PTPRA: variants seen among roughly 807,000 people sequenced by gnomAD.
PTPRA encodes the protein receptor-type tyrosine-protein phosphatase alpha.
A neutral mutation model predicts 104.8 loss-of-function variants in PTPRA; 25 were observed. That is an observed-to-expected ratio of 0.24 (90% confidence interval 0.17 to 0.33). The LOEUF (loss-of-function observed/expected upper bound fraction) is 0.33, where lower values mean the gene tolerates loss of function less well. PTPRA is among the 10% of genes least tolerant of loss of function. The pLI, the probability that PTPRA is intolerant of heterozygous loss-of-function variation, is 1.00. For synonymous variants in PTPRA, 323 were observed against 368.9 expected, an observed-to-expected ratio of 0.88 and a Z score of 1.43; for missense variants, 765 against 1,015.3, an observed-to-expected ratio of 0.75 and a Z score of 3.35.
At position 2,896,150 on chromosome 20, in the gene PTPRA, G is replaced by A. The variant is rs1459560370; in HGVS notation, c.-129+22390G>A. ...AGCACTTTGGGAGGCTGAGGCAGGGGGATCACTTGAGGTCATGAGTTCAAG... is the reference window on the plus strand; with the variant it reads ...AGCACTTTGGGAGGCTGAGGCAGGGAGATCACTTGAGGTCATGAGTTCAAG... On this transcript the variant is annotated intron_variant, in intron 1 of 23. Transcript: ENST00000399903. Among the ~76,000 whole-genome samples, 3 of 152,168 alleles carry A rather than the reference G, an allele frequency of 2.0e-5. No homozygotes were observed. In the East Asian group the frequency reaches 5.8e-4, roughly 29 times the overall value.
intron 3 of PTPRA, among the ~76,000 whole-genome samples, chr20:2,958,149 A>C (rs571758465): frequency 6.6e-6 from 1 of 152,234 alleles, no homozygotes; most frequent in African/African-American, 2.4e-5. Context: ...AGAATTAGAG[A>C]GGGGTTCAAG....
the PTPRA span, among the ~76,000 whole-genome samples, chr20:2,868,194 G>A: frequency 6.6e-6 from 1 of 152,124 alleles, no homozygotes; most frequent in African/African-American, 2.4e-5. Flanking sequence ...GGTAGAATCT[G>A]GACTGCCTTC....
Position 3,038,463 on chromosome 20 carries a change from C to G in PTPRA, c.*330C>G. 1 of 262,504 alleles carries G rather than the reference C, an allele frequency of 3.8e-6. No homozygotes were observed. The highest frequency in any genetic ancestry group is 7.4e-6 in the Non-Finnish European group (1 of 135,404). 16.3% of individuals were successfully genotyped at this position (262,504 alleles called of 1,614,324 possible). ...AAAATCCATTCCAGGTAGCTCGGCACCAACTAAGAAAAAAAGCACAAAGTT... is the reference window on the plus strand; with the variant it reads ...AAAATCCATTCCAGGTAGCTCGGCAGCAACTAAGAAAAAAAGCACAAAGTT... On this transcript the variant is annotated 3_prime_UTR_variant, in exon 24 of 24. Transcript: ENST00000399903.
rs1009615949 is a variant in PTPRA at position 3,000,028 on chromosome 20, G to A, written c.739-5028G>A. On this transcript the variant is annotated intron_variant, in intron 9 of 23. Transcript: ENST00000399903. ...AGGCTGGGCGCAGTGGTTCATGCCTGTAATCCCAGCACTTTGGGAGGCTGA... is the reference window on the plus strand; with the variant it reads ...AGGCTGGGCGCAGTGGTTCATGCCTATAATCCCAGCACTTTGGGAGGCTGA... Among the ~76,000 whole-genome samples the A allele has an allele frequency of 3.9e-5, 6 of 152,300 alleles. No individual in the cohort carries two copies. The South Asian group carries it at 6.2e-4, about 16-fold the overall frequency.
chr20:2,986,821 TTTA>T lies in PTPRA; in HGVS notation c.504_506del (p.Ile170del). 1 of 1,612,394 alleles carries T rather than the reference TTTA, an allele frequency of 6.2e-7. No individual in the cohort carries two copies. The highest frequency in any genetic ancestry group is 8.5e-7 in the Non-Finnish European group (1 of 1,178,408). On this transcript the variant is annotated inframe_deletion, in exon 7 of 24. Transcript: ENST00000399903. ...CCTGTCCTCTCTGCTAGTGATCGTG[TTTA>T]TTATCATAGTTTTGTACATGTTAAG...
At chr20:2,918,626 AGAC>A (rs989051128) in intron 1 of PTPRA, among the ~76,000 whole-genome samples, 1 of 152,218 alleles carries the variant, frequency 6.6e-6, no homozygotes, top group Non-Finnish European at 1.5e-5. Context: ...TCATTTAGTT[AGAC>A]CATGATTGGA....
chr20:3,029,717 G>A (rs1294922696), intron 20 of PTPRA, among the ~76,000 whole-genome samples: 3 of 150,676 alleles, frequency 2.0e-5, no homozygotes, highest in East Asian at 3.9e-4. Flanking sequence ...TTGTAGGCAC[G>A]GGGTTTCACC....
At chr20:3,005,822 C>A (rs1375502681) in intron 10 of PTPRA, among the ~76,000 whole-genome samples, 2 of 152,078 alleles carry the variant, frequency 1.3e-5, no homozygotes, top group African/African-American at 4.8e-5. Flanking sequence ...ATGCAGAGTT[C>A]TCTGTATAAA....
chr20:2,874,466 T>G (rs1023502148), intron 1 of PTPRA, among the ~76,000 whole-genome samples: 2 of 152,100 alleles, frequency 1.3e-5, no homozygotes, highest in African/African-American at 4.8e-5. Context: ...TGATGATATT[T>G]GTAAGACAGG....
At chr20:2,937,726 A>G (rs536530715) in intron 2 of PTPRA, among the ~76,000 whole-genome samples, 1 of 152,192 alleles carries the variant, frequency 6.6e-6, no homozygotes, top group African/African-American at 2.4e-5. Context: ...GAGTTTCTTT[A>G]GCCATTCTTT....
At chr20:2,978,806 T>C (rs990880576) in intron 6 of PTPRA, among the ~76,000 whole-genome samples, 1 of 152,220 alleles carries the variant, frequency 6.6e-6, no homozygotes, top group Admixed American at 6.6e-5. Context: ...TGTAAATGAA[T>C]GAACATGGCC....
chr20:3,037,310 T>G lies in PTPRA; in HGVS notation c.2334+21T>G. On this transcript the variant is annotated intron_variant, in intron 23 of 23. Transcript: ENST00000399903. The surrounding 1 kb of genome is among the most constrained non-coding windows in gnomAD (Gnocchi z 4.3). ...CACTGGTATGCTGCCCACATATTTG[T>G]CCCTGCCACCACACCACCTGCAGCC... The G allele has an allele frequency of 6.2e-7, 1 of 1,612,682 alleles. No homozygotes were observed. Among genetic ancestry groups the G allele is most frequent in the Non-Finnish European group, 8.5e-7 (1 of 1,179,316 alleles).
At position 2,942,020 on chromosome 20, in the gene PTPRA, A is replaced by G. The variant is rs367878081; in HGVS notation, c.-49-5962A>G. On this transcript the variant is annotated intron_variant, in intron 2 of 23. Coordinates refer to ENST00000399903, the MANE Select transcript of PTPRA (RefSeq NM_001385305.1). The stretch of plus-strand genomic sequence containing the variant: ...GACTGTAAGCTTCATGAAGATAGGG[A>G]TTCTGTTAGAATTTGTTCACTATTT... 1.9e-4 allele frequency among the ~76,000 whole-genome samples: 29 copies of G among 152,240 alleles called. No homozygotes were observed. In the East Asian group the frequency reaches 4.2e-3, roughly 22 times the overall value.
rs529198910 is a variant in PTPRA, at chr20:2,886,986, TG to T, written c.-129+13231del. 2.9e-3 allele frequency among the ~76,000 whole-genome samples: 445 copies of T among 152,266 alleles called. 1 individual carries two copies. The highest frequency in any genetic ancestry group is 5.1e-3 in the Non-Finnish European group (349 of 68,020). On this transcript the variant is annotated intron_variant, in intron 1 of 23. Coordinates refer to ENST00000399903, the MANE Select transcript of PTPRA (RefSeq NM_001385305.1). ...TATTTAAAAGGAAATATTTGTATAA[TG>T]GGGGTGAAAAAATGATTATCACAGT... is the stretch of plus-strand genomic sequence containing the variant.
chr20:2,909,997 AATCT>A (rs2059595270), intron 1 of PTPRA, among the ~76,000 whole-genome samples: 1 of 87,544 alleles, frequency 1.1e-5, no homozygotes. Context: ...TCATATATAT[AATCT>A]ATCATATATC....
chr20:3,002,322 A>AT (rs5839983), intron 9 of PTPRA, among the ~76,000 whole-genome samples: 20,645 of 116,778 alleles, frequency 0.18, 2,744 homozygotes, highest in African/African-American at 0.35. Context: ...AAATGTAGTA[A>AT]TTTTTTTTTT....
intron 9 of PTPRA, among the ~76,000 whole-genome samples, chr20:2,995,295 C>T (rs1044045882): frequency 2.0e-5 from 3 of 151,992 alleles, no homozygotes; most frequent in African/African-American, 4.8e-5. Flanking sequence ...TTTTTTCCCC[C>T]GCTGTAGAGA....
At chr20:2,955,651 C>A in intron 3 of PTPRA, 2 of 985,412 alleles carry the variant, frequency 2.0e-6, no homozygotes, top group Non-Finnish European at 2.4e-6. Flanking sequence ...TGATTTCTCT[C>A]ACTGGCAACT....
At chr20:2,928,968 T>C (rs1188723312) in intron 2 of PTPRA, among the ~76,000 whole-genome samples, 1 of 151,956 alleles carries the variant, frequency 6.6e-6, no homozygotes, top group Non-Finnish European at 1.5e-5. Context: ...TAGCTGGAAC[T>C]ATAGGCATGC....
Sources: gnomAD v4.1 joint callset for allele counts (sites outside exome capture counted in the v4.1 genomes callset) on GRCh38, gnomAD v4.1.1 for gene constraint, Gnocchi (gnomAD v3.1) non-coding constraint, MANE v1.5 for transcripts, NCBI Gene and HGNC (gene_info 2026-07-23, HGNC 2026-07-21) for gene names.